AKAP6: variants seen among roughly 807,000 people sequenced by gnomAD.
The protein encoded by AKAP6 is A-kinase anchoring protein 6.
A neutral mutation model predicts 188.5 loss-of-function variants in AKAP6; 58 were observed. That is an observed-to-expected ratio of 0.31 (90% CI 0.25 to 0.38). The LOEUF is 0.38. AKAP6 is among the 10% of genes least tolerant of loss of function. AKAP6 has a pLI of 1.00. For synonymous variants in AKAP6, 989 were observed against 998.6 expected (o/e 0.99, Z 0.18); for missense variants, 2,710 against 2,740.0 (o/e 0.99, Z 0.24).
chr14:32,485,723 CAGAT>C (rs1189663322), intron 2 of AKAP6, among the ~76,000 whole-genome samples: 7 of 152,032 alleles, frequency 4.6e-5, no homozygotes, highest in Non-Finnish European at 8.8e-5. Context: ...AGCCCTTTGT[CAGAT>C]GGATAGATTG....
At chr14:32,574,610 C>T (rs894423823) in intron 4 of AKAP6, among the ~76,000 whole-genome samples, 4 of 152,128 alleles carry the variant, frequency 2.6e-5, no homozygotes, top group Non-Finnish European at 4.4e-5. Context: ...TTTCAAATAA[C>T]GTCTTTCACT....
chr14:32,582,578 G>T (rs938797232), intron 5 of AKAP6, among the ~76,000 whole-genome samples: 1 of 152,168 alleles, frequency 6.6e-6, no homozygotes. Context: ...ATATCCTGCA[G>T]AGTGTTTTCC....
chr14:32,662,108 C>CA, intron 7 of AKAP6, among the ~76,000 whole-genome samples: 1 of 151,872 alleles, frequency 6.6e-6, no homozygotes, highest in Non-Finnish European at 1.5e-5. Context: ...AATAAAAGGA[C>CA]AAAATCAATA....
intron 1 of AKAP6, among the ~76,000 whole-genome samples, chr14:32,347,445 C>T (rs907750496): frequency 8.5e-5 from 13 of 152,196 alleles, no homozygotes; most frequent in African/African-American, 1.2e-4. Flanking sequence ...CACCCACTTT[C>T]GGACTGTACA....
At chr14:32,740,879 G>GT (rs1174598690) in intron 11 of AKAP6, among the ~76,000 whole-genome samples, 5 of 151,958 alleles carry the variant, frequency 3.3e-5, no homozygotes, top group African/African-American at 1.2e-4. Context: ...TTTTAAAATT[G>GT]TTTTTTCCAT....
rs1191335214 is a variant in AKAP6, at chr14:32,713,429, TCTC to T, written c.3000+17323_3000+17325del. 1.4e-4 allele frequency among the ~76,000 whole-genome samples: 21 copies of T among 151,210 alleles called. 1 individual carries two copies. The highest frequency in any genetic ancestry group is 9.3e-4 in the Admixed American group (14 of 15,050). On this transcript the variant is annotated intron_variant, in intron 9 of 13. Transcript: ENST00000280979. Reference sequence around the variant, plus strand: ...GAAGCTTTGAAGCTAGGCATTGACTTCTCCTCTCTAGCCATGAAAGTCCTAGAT... The same window carrying T: ...GAAGCTTTGAAGCTAGGCATTGACTTCTCTCTAGCCATGAAAGTCCTAGAT...
intron 1 of AKAP6, among the ~76,000 whole-genome samples, chr14:32,392,678 A>G (rs1193804113): frequency 6.6e-6 from 1 of 152,180 alleles, no homozygotes; most frequent in Non-Finnish European, 1.5e-5. Context: ...ATTACACCAG[A>G]AACTACAGCT....
Position 32,453,629 on chromosome 14 carries a change from T to C in AKAP6, c.324+19812T>C, listed in dbSNP as rs556288064. On this transcript the variant is annotated intron_variant, in intron 2 of 13. Coordinates refer to ENST00000280979, the MANE Select transcript of AKAP6 (RefSeq NM_004274.5). ...TTTTTTTTTTTGAGACGGAGTCTCG[T>C]TCTGTCGCCCAGGCGGGAGTGCAGT... 1.3e-4 allele frequency among the ~76,000 whole-genome samples: 15 copies of C among 116,366 alleles called. 1 individual carries two copies. Among genetic ancestry groups the C allele is most frequent in the Admixed American group, 2.2e-4 (2 of 9,212 alleles). 76.3% of individuals were successfully genotyped at this position (116,366 alleles called of 152,430 possible).
chr14:32,512,825 T>G (rs1881326107), intron 2 of AKAP6, among the ~76,000 whole-genome samples: 1 of 152,308 alleles, frequency 6.6e-6, no homozygotes, highest in East Asian at 1.9e-4. Flanking sequence ...TAATTTAGGC[T>G]CTAATGCTCA....
chr14:32,439,882 C>T (rs1890513476), intron 2 of AKAP6, among the ~76,000 whole-genome samples: 1 of 152,138 alleles, frequency 6.6e-6, no homozygotes, highest in Non-Finnish European at 1.5e-5. Context: ...GTTTCCAGCA[C>T]ATCTTAAATA....
At chr14:32,662,021 C>A (rs1178766538) in intron 7 of AKAP6, among the ~76,000 whole-genome samples, 3 of 151,948 alleles carry the variant, frequency 2.0e-5, no homozygotes, top group Non-Finnish European at 4.4e-5. Context: ...ATCTAGGTAC[C>A]TAGTGAACAG....
intron 1 of AKAP6, among the ~76,000 whole-genome samples, chr14:32,337,338 G>C (rs1049694706): frequency 6.6e-6 from 1 of 152,164 alleles, no homozygotes; most frequent in Non-Finnish European, 1.5e-5. Flanking sequence ...ATTTCTTCAG[G>C]CTTGGCTAGT....
chr14:32,704,686 T>TA (rs549830701), intron 9 of AKAP6, among the ~76,000 whole-genome samples: 266 of 152,140 alleles, frequency 1.7e-3, no homozygotes, highest in Non-Finnish European at 3.2e-3. Flanking sequence ...TTATTTTGTT[T>TA]AAAAAAAGAG....
chr14:32,696,482 T>C (rs1275483688), intron 9 of AKAP6, among the ~76,000 whole-genome samples: 2 of 152,220 alleles, frequency 1.3e-5, no homozygotes, highest in Non-Finnish European at 2.9e-5. Flanking sequence ...GTGGATTCTA[T>C]CTACCCCTCA....
At chr14:32,673,657 C>A (rs1000208738) in intron 7 of AKAP6, among the ~76,000 whole-genome samples, 1 of 152,148 alleles carries the variant, frequency 6.6e-6, no homozygotes, top group Non-Finnish European at 1.5e-5. Context: ...TTCGCTTGAA[C>A]CTGGGAGGTG....
chr14:32,543,297 T>C (rs1318792489), intron 3 of AKAP6, among the ~76,000 whole-genome samples: 1 of 152,216 alleles, frequency 6.6e-6, no homozygotes, highest in Non-Finnish European at 1.5e-5. Flanking sequence ...ACATGTGGTA[T>C]TTGTCTTTCT....
At chr14:32,588,563 A>G (rs1009623226) in intron 5 of AKAP6, among the ~76,000 whole-genome samples, 1 of 152,146 alleles carries the variant, frequency 6.6e-6, no homozygotes, top group Non-Finnish European at 1.5e-5. Context: ...GGCCATGTTT[A>G]TAGTAGTAGA....
chr14:32,531,380 G>A (rs184486253), intron 2 of AKAP6, among the ~76,000 whole-genome samples: 5 of 152,124 alleles, frequency 3.3e-5, no homozygotes, highest in Non-Finnish European at 5.9e-5. Context: ...TCACAGTACC[G>A]TCATGACTTT....
intron 2 of AKAP6, among the ~76,000 whole-genome samples, chr14:32,435,593 G>C (rs1890352880): frequency 6.6e-6 from 1 of 152,204 alleles, no homozygotes; most frequent in African/African-American, 2.4e-5. Context: ...CCATCCCTTA[G>C]TGTGGTCTGT....
Sources: gnomAD v4.1 joint callset for allele counts (sites outside exome capture counted in the v4.1 genomes callset) on GRCh38, gnomAD v4.1.1 for gene constraint, MANE v1.5 for transcripts, NCBI Gene and HGNC (gene_info 2026-07-23, HGNC 2026-07-21) for gene names.